Variants in HOMEZ observed in about 807,000 individuals in gnomAD.
The protein encoded by HOMEZ is homeobox and leucine zipper encoding.
A neutral mutation model predicts 50.1 loss-of-function variants in HOMEZ; 20 were observed. The observed-to-expected ratio is 0.40, with a 90% CI of 0.28 to 0.58. The LOEUF (loss-of-function observed/expected upper bound fraction) is 0.58. Ranked by LOEUF, HOMEZ falls within the 20% of genes least tolerant of loss-of-function variation. The probability of loss-of-function intolerance (pLI) is 0.46; values close to 1 mark genes in which losing one functional copy is unlikely to be tolerated. For synonymous variants in HOMEZ, 239 were observed against 254.7 expected (o/e 0.94, Z 0.59); for missense variants, 579 against 680.5 (o/e 0.85, Z 1.66).
intron 1 of HOMEZ, among the ~76,000 whole-genome samples, chr14:23,283,410 TTC>T (rs79798365): frequency 5.3e-5 from 8 of 150,684 alleles, no homozygotes; most frequent in Non-Finnish European, 7.4e-5. Flanking sequence ...GAAAAAAAAA[TTC>T]TCTCTCTCTC....
At chr14:23,285,660 G>A (rs1303252791) in intron 1 of HOMEZ, 1 of 389,138 alleles carries the variant, frequency 2.6e-6, no homozygotes, top group Non-Finnish European at 4.5e-6. Context: ...TAAGCCCCAT[G>A]AGGCAGGCGA....
At position 23,273,837 on chromosome 14, in the gene HOMEZ, A is replaced by G. The variant is rs1428258577; in HGVS notation, c.*1738T>C. The G allele has an allele frequency of 6.6e-6, 1 of 152,446 alleles. No individual in the cohort carries two copies. The highest frequency in any genetic ancestry group is 1.5e-5 in the Non-Finnish European group (1 of 68,042). 9.4% of individuals were successfully genotyped at this position (152,446 alleles called of 1,614,324 possible). A position where few individuals can be genotyped will look rare whatever the true frequency, so the allele number is the denominator to read the frequency against. ...GTATCTCTGTTACTCCTGAAGCCTC[A>G]GAAATTTTAGTCATTATCATTTGAT... On this transcript the variant is annotated 3_prime_UTR_variant, in exon 2 of 2. Coordinates refer to ENST00000357460, the MANE Select transcript of HOMEZ (RefSeq NM_020834.3).
At position 23,273,330 on chromosome 14, in the gene HOMEZ, T is replaced by C. The variant is rs138017132; in HGVS notation, c.*2245A>G. The C allele has an allele frequency of 0.011, 1,688 of 153,230 alleles. 10 individuals carry two copies. The highest frequency in any genetic ancestry group is 0.015 in the Non-Finnish European group (1,032 of 68,676). 9.5% of individuals were successfully genotyped at this position (153,230 alleles called of 1,614,324 possible). A position where few individuals can be genotyped will look rare whatever the true frequency, so the allele number is the denominator to read the frequency against. The stretch of plus-strand genomic sequence containing the variant: ...AATATCTCTGTTCTTTTCCTTATTA[T>C]ACTTTTTTATTTGTCTATTATTTCC... On this transcript the variant is annotated 3_prime_UTR_variant, in exon 2 of 2. Coordinates refer to ENST00000357460, the MANE Select transcript of HOMEZ (RefSeq NM_020834.3).
chr14:23,284,470 C>T (rs1042319219), intron 1 of HOMEZ, among the ~76,000 whole-genome samples: 3 of 152,176 alleles, frequency 2.0e-5, no homozygotes, highest in South Asian at 2.1e-4. Context: ...GCTACTAGTG[C>T]GCCAAAATCA....
chr14:23,276,304 T>A lies in HOMEZ; in HGVS notation c.924A>T (p.Pro308=). The change falls in exon 2 of 2, where the codon CCA becomes CCT. Residue 308 remains proline, a synonymous_variant. Transcript: ENST00000357460. The surrounding 1 kb of genome is among the most constrained non-coding windows in gnomAD (Gnocchi z 4.1). ...GATAASKPLQ[P]LGCVPQSVSP... is the part of the protein sequence containing the mutation. Reference sequence around the variant, plus strand: ...ACACTGACTGTGGGACACAGCCTAGTGGCTGGAGGGGTTTAGAGGCGGCAG... The same window carrying A: ...ACACTGACTGTGGGACACAGCCTAGAGGCTGGAGGGGTTTAGAGGCGGCAG... The A allele has an allele frequency of 1.2e-6, 2 of 1,613,774 alleles. No homozygotes were observed. The highest frequency in any genetic ancestry group is 1.1e-5 in the South Asian group (1 of 91,060).
At chr14:23,279,533 G>GGGC (rs1232024538) in intron 1 of HOMEZ, among the ~76,000 whole-genome samples, 3 of 152,210 alleles carry the variant, frequency 2.0e-5, no homozygotes, top group Non-Finnish European at 2.9e-5. Context: ...AGTCAGGGCA[G>GGGC]AGCAGGTAAT....
Position 23,276,769 on chromosome 14 carries a change from A to G in HOMEZ, c.459T>C (p.Pro153=), listed in dbSNP as rs868334703. 5 of 1,613,984 alleles carry G rather than the reference A, an allele frequency of 3.1e-6. No homozygotes were observed. In the Middle Eastern group the frequency reaches 8.3e-4, roughly 266 times the overall value. The change falls in exon 2 of 2, where the codon CCT becomes CCC. Residue 153 remains proline, a synonymous_variant. Transcript: ENST00000357460. The surrounding 1 kb of genome is among the most constrained non-coding windows in gnomAD (Gnocchi z 4.1). ...HHAGRPPEEV[P]PPPVPAPEQV... Reference sequence around the variant, plus strand: ...GCTCTGGAGCTGGCACTGGAGGAGGAGGCACCTCCTCTGGGGGCCGTCCCG... The same window carrying G: ...GCTCTGGAGCTGGCACTGGAGGAGGGGGCACCTCCTCTGGGGGCCGTCCCG...
intron 1 of HOMEZ, among the ~76,000 whole-genome samples, chr14:23,283,526 A>G (rs1381305585): frequency 4.6e-5 from 7 of 152,218 alleles, no homozygotes; most frequent in Non-Finnish European, 1.0e-4. Context: ...CTGTGTTTAC[A>G]CAGTCCTAGG....
chr14:23,275,632 C>CTCCTCT lies in HOMEZ; in HGVS notation c.1590_1595dup (p.Glu536_Glu537dup). The CTCCTCT allele has an allele frequency of 1.3e-6, 2 of 1,550,122 alleles. No individual in the cohort carries two copies. The highest frequency in any genetic ancestry group is 1.7e-6 in the Non-Finnish European group (2 of 1,144,130). On this transcript the variant is annotated inframe_insertion, in exon 2 of 2. Transcript: ENST00000357460. ...CATCATCATCTTCCTCCTCCTCCTC[C>CTCCTCT]TCCTCTTCCTCATCATCTTCTGGCA...
chr14:23,285,696 C>T (rs1014339141), intron 1 of HOMEZ: 43 of 397,210 alleles, frequency 1.1e-4, no homozygotes, highest in African/African-American at 8.0e-4. Context: ...TCGCCAAGGG[C>T]GCCCCAACCC....
In HOMEZ at chr14:23,276,827, T is replaced by C; in HGVS notation, c.401A>G (p.His134Arg). 6.2e-7 allele frequency: 1 copy of C among 1,614,066 alleles called. No individual in the cohort carries two copies. Among genetic ancestry groups the C allele is most frequent in the South Asian group, 1.1e-5 (1 of 91,084 alleles). The part of the protein sequence containing the change: ...ARVVYRRDQL[H>R]FKSLLSFTHH... ...AGTAAAAGAGAGAAGGGATTTGAAA[T>C]GGAGTTGGTCCCGACGGTAGACTAC... The change falls in exon 2 of 2, where the codon CAT (histidine) becomes CGT (arginine). Residue 134 changes from histidine (H) to arginine (R), a missense_variant. Coordinates refer to ENST00000357460, the MANE Select transcript of HOMEZ (RefSeq NM_020834.3). The surrounding 1 kb of genome is among the most constrained non-coding windows in gnomAD (Gnocchi z 4.1).
rs1886655723 is a variant in HOMEZ, at chr14:23,285,992, A to T, written c.-40T>A. ...TGGGGGAGAGGGCAGGGGGCCTCCG[A>T]GTGGGAGTGGGGTTGCTGCCCGGTG... On this transcript the variant is annotated 5_prime_UTR_variant, in exon 1 of 2. Coordinates refer to ENST00000357460, the MANE Select transcript of HOMEZ (RefSeq NM_020834.3). The T allele has an allele frequency of 1.6e-6, 2 of 1,235,128 alleles. No homozygotes were observed. The highest frequency in any genetic ancestry group is 2.0e-6 in the Non-Finnish European group (2 of 985,254). 76.5% of individuals were successfully genotyped at this position (1,235,128 alleles called of 1,614,324 possible). A position where few individuals can be genotyped will look rare whatever the true frequency, so the allele number is the denominator to read the frequency against.
Position 23,273,836 on chromosome 14 carries a change from C to T in HOMEZ, c.*1739G>A, listed in dbSNP as rs1043115966. 1.3e-5 allele frequency: 2 copies of T among 152,406 alleles called. No homozygotes were observed. The highest frequency in any genetic ancestry group is 4.8e-5 in the African/African-American group (2 of 41,464). 9.4% of individuals were successfully genotyped at this position (152,406 alleles called of 1,614,324 possible). ...TGTATCTCTGTTACTCCTGAAGCCT[C>T]AGAAATTTTAGTCATTATCATTTGA... On this transcript the variant is annotated 3_prime_UTR_variant, in exon 2 of 2. Coordinates refer to ENST00000357460, the MANE Select transcript of HOMEZ (RefSeq NM_020834.3).
intron 1 of HOMEZ, among the ~76,000 whole-genome samples, chr14:23,283,379 A>G (rs1886596893): frequency 6.6e-6 from 1 of 152,024 alleles, no homozygotes; most frequent in Non-Finnish European, 1.5e-5. Context: ...TCTACAAATA[A>G]ATATATAAAT....
At chr14:23,285,878 G>A in intron 1 of HOMEZ, 35 bp downstream of exon 1, 1 of 1,199,618 alleles carries the variant, frequency 8.3e-7, no homozygotes, top group Non-Finnish European at 1.1e-6. Context: ...TACACGAGCT[G>A]GGAGGGGAAG....
chr14:23,283,990 G>A (rs1429392634), intron 1 of HOMEZ, among the ~76,000 whole-genome samples: 1 of 152,144 alleles, frequency 6.6e-6, no homozygotes, highest in Admixed American at 6.5e-5. Context: ...CCTGAAATGT[G>A]TTTGGGGATA....
In HOMEZ at chr14:23,273,276, A is replaced by G. The variant is rs932949549; in HGVS notation, c.*2299T>C. 1.3e-5 allele frequency: 2 copies of G among 158,414 alleles called. No individual in the cohort carries two copies. The highest frequency in any genetic ancestry group is 2.0e-4 in the South Asian group (1 of 5,052). 9.8% of individuals were successfully genotyped at this position (158,414 alleles called of 1,614,324 possible). On this transcript the variant is annotated 3_prime_UTR_variant, in exon 2 of 2. Coordinates refer to ENST00000357460, the MANE Select transcript of HOMEZ (RefSeq NM_020834.3). ...CTGGATTTCATTTTTAGCTTTGGAT[A>G]TACTGTCCCATTGCCAATGTTAACG... is the stretch of plus-strand genomic sequence containing the variant.
In HOMEZ at chr14:23,275,404, T is replaced by C. The variant is rs1886319062; in HGVS notation, c.*171A>G. The C allele has an allele frequency of 2.6e-6, 2 of 755,120 alleles. No homozygotes were observed. The highest frequency in any genetic ancestry group is 4.0e-5 in the South Asian group (2 of 50,436). The allele number at this position is 755,120 out of a possible 1,614,324, so 46.8% of individuals were successfully genotyped here. On this transcript the variant is annotated 3_prime_UTR_variant, in exon 2 of 2. Transcript: ENST00000357460. ...CCCAGCCTTACTTAGTGCCCTATGG[T>C]CATTCTCCCTGGTCCACCCTCACTA...
chr14:23,285,653 G>C (rs1048286022), intron 1 of HOMEZ: 4 of 384,652 alleles, frequency 1.0e-5, no homozygotes, highest in Admixed American at 9.0e-5. Flanking sequence ...GGGACGATAA[G>C]CCCCATGAGG....
Sources: allele counts gnomAD v4.1 joint callset (sites outside exome capture counted in the v4.1 genomes callset), GRCh38; gene constraint gnomAD v4.1.1; non-coding constraint Gnocchi (gnomAD v3.1); transcripts MANE v1.5; gene names NCBI Gene and HGNC (gene_info 2026-07-23, HGNC 2026-07-21).